Variants in APOBEC3G observed in about 807,000 individuals in gnomAD.
APOBEC3G encodes the protein DNA dC->dU-editing enzyme APOBEC-3G.
Under a neutral mutation model 50.0 loss-of-function variants are expected in APOBEC3G, and 44 were observed. That is an observed-to-expected ratio of 0.88 (90% CI 0.69 to 1.13). APOBEC3G has a LOEUF of 1.13. APOBEC3G is among the 50% of genes most tolerant of loss of function. APOBEC3G has a pLI of 0.00. For synonymous variants in APOBEC3G, 156 were observed against 175.3 expected, an observed-to-expected ratio of 0.89 and a Z score of 0.87; for missense variants, 469 against 492.0, an observed-to-expected ratio of 0.95 and a Z score of 0.44.
chr22:39,081,374 G>GT, intron 3 of APOBEC3G, 97 bp from the exon 4 acceptor site: 1 of 1,527,434 alleles, frequency 6.5e-7, no homozygotes, highest in Admixed American at 1.8e-5. Flanking sequence ...GGCGCTGACT[G>GT]TAACTAGTAT....
At chr22:39,084,094 C>T (rs1928594856) in intron 5 of APOBEC3G, among the ~76,000 whole-genome samples, 1 of 152,176 alleles carries the variant, frequency 6.6e-6, no homozygotes, top group South Asian at 2.1e-4. Flanking sequence ...CACGCCTAAC[C>T]AGCCACATGT....
At chr22:39,079,272 C>T in intron 2 of APOBEC3G, 187 bp downstream of exon 2, 1 of 823,006 alleles carries the variant, frequency 1.2e-6, no homozygotes, top group Non-Finnish European at 1.8e-6. Flanking sequence ...AGGGGGTTTG[C>T]CTCTGCACAA....
intron 4 of APOBEC3G, 106 bp from the exon 5 acceptor site, chr22:39,083,625 G>A: frequency 3.0e-6 from 4 of 1,354,880 alleles, no homozygotes; most frequent in South Asian, 2.7e-5. Context: ...GGGAGCCGGG[G>A]GAAGGAAGGA....
Position 39,086,478 on chromosome 22 carries a change from C to G in APOBEC3G, c.935C>G (p.Ala312Gly). 1.2e-6 allele frequency: 2 copies of G among 1,614,188 alleles called. No individual in the cohort carries two copies. Among genetic ancestry groups the G allele is most frequent in the South Asian group, 2.2e-5 (2 of 91,082 alleles). The stretch of plus-strand genomic sequence containing the variant: ...CACGTGAGCCTGTGCATCTTCACTG[C>G]CCGCATCTATGATGATCAAGGAAGA... ...NKHVSLCIFT[A>G]RIYDDQGRCQ... Residue 312 changes from alanine (A) to glycine (G), a missense_variant, in exon 6 of 8, where the codon GCC becomes GGC. Transcript: ENST00000407997.
Position 39,083,883 on chromosome 22 carries a change from A to G in APOBEC3G, c.734A>G (p.Gln245Arg), listed in dbSNP as rs371945683. Residue 245 changes from glutamine (Q) to arginine (R), a missense_variant and splice_region_variant, in exon 5 of 8, where the codon CAG becomes CGG. Gln to Arg is a conservative substitution (Grantham distance 43). Coordinates refer to ENST00000407997, the MANE Select transcript of APOBEC3G (RefSeq NM_021822.4). ...CAGCGCAGGGGCTTTCTATGCAACCAGGTGACCAACCCAGCCACCCGCATC... is the reference window on the plus strand; with the variant it reads ...CAGCGCAGGGGCTTTCTATGCAACCGGGTGACCAACCCAGCCACCCGCATC... ...LNQRRGFLCN[Q>R]APHKHGFLEG... 1 of 1,612,616 alleles carries G rather than the reference A, an allele frequency of 6.2e-7. No individual in the cohort carries two copies. The highest frequency in any genetic ancestry group is 1.3e-5 in the African/African-American group (1 of 74,900).
chr22:39,079,250 A>T, intron 2 of APOBEC3G, 165 bp downstream of exon 2: 1 of 1,000,020 alleles, frequency 1.0e-6, no homozygotes, highest in South Asian at 1.8e-5. Context: ...CCGTCCTGGG[A>T]TCGGATCGTG....
At chr22:39,081,607 C>T in intron 4 of APOBEC3G, 22 bp downstream of exon 4, 1 of 1,580,514 alleles carries the variant, frequency 6.3e-7, no homozygotes, top group Non-Finnish European at 8.7e-7. Flanking sequence ...CCTCCAGGCT[C>T]ATCGCCTCGC....
intron 6 of APOBEC3G, 126 bp downstream of exon 6, chr22:39,086,693 G>A (rs1339240494): frequency 6.8e-6 from 9 of 1,315,828 alleles, no homozygotes; most frequent in South Asian, 2.9e-5. Context: ...CTGCAGAGGC[G>A]ATGGCTGCAC....
chr22:39,080,196 G>T, intron 2 of APOBEC3G: 1 of 789,788 alleles, frequency 1.3e-6, no homozygotes, highest in South Asian at 5.1e-5. Flanking sequence ...CTGCAGGCAG[G>T]GAACAAGGCA....
rs142924244 is a variant in APOBEC3G at position 39,081,005 on chromosome 22, C to T, written c.244C>T (p.Arg82Cys). The change falls in exon 3 of 8, where the codon CGT (arginine) becomes TGT (cysteine). Residue 82 changes from arginine (R) to cysteine (C), a missense_variant. Arg to Cys is a radical substitution (Grantham distance 180). Coordinates refer to ENST00000407997, the MANE Select transcript of APOBEC3G (RefSeq NM_021822.4). ...GTTCAGCAAGTGGAGGAAGCTGCAT[C>T]GTGACCAGGAGTATGAGGTCACCTG... The part of the protein sequence containing the change: ...HWFSKWRKLH[R>C]DQEYEVTWYI... 1.8e-5 allele frequency: 29 copies of T among 1,614,104 alleles called. No homozygotes were observed. In the African/African-American group the frequency reaches 2.9e-4, roughly 16 times the overall value.
chr22:39,087,626 GAATA>G lies in APOBEC3G; in HGVS notation c.*208_*211del. The G allele has an allele frequency of 9.6e-7, 1 of 1,040,930 alleles. No individual in the cohort carries two copies. Among genetic ancestry groups the G allele is most frequent in the South Asian group, 1.7e-5 (1 of 57,548 alleles). The allele number at this position is 1,040,930 out of a possible 1,614,324, so 64.5% of individuals were successfully genotyped here. ...AATCAAAAATTTATTTATATTTCAA[GAATA>G]AAGTACTAAGATTGTGCTCAATACA... On this transcript the variant is annotated 3_prime_UTR_variant, in exon 8 of 8. Coordinates refer to ENST00000407997, the MANE Select transcript of APOBEC3G (RefSeq NM_021822.4).
Position 39,086,457 on chromosome 22 carries a change from T to C in APOBEC3G, c.914T>C (p.Val305Ala). The C allele has an allele frequency of 6.2e-7, 1 of 1,614,110 alleles. No individual in the cohort carries two copies. Among genetic ancestry groups the C allele is most frequent in the Non-Finnish European group, 8.5e-7 (1 of 1,180,000 alleles). Residue 305 changes from valine (V) to alanine (A), a missense_variant, in exon 6 of 8, where the codon GTG (valine) becomes GCG (alanine). Val to Ala is a moderately conservative substitution (Grantham distance 64). Coordinates refer to ENST00000407997, the MANE Select transcript of APOBEC3G (RefSeq NM_021822.4). ...AAATTCATTTCAAAAAACAAACACG[T>C]GAGCCTGTGCATCTTCACTGCCCGC... ...MAKFISKNKHVSLCIFTARIY... is the reference protein window; with the variant it reads ...MAKFISKNKHASLCIFTARIY...
rs6001422 is a variant in APOBEC3G, at chr22:39,087,192, G to T, written c.1140+66G>T. The T allele has an allele frequency of 1.5e-5, 24 of 1,606,984 alleles. No homozygotes were observed. In the African/African-American group the frequency reaches 2.6e-4, roughly 17 times the overall value. ...CCCCTCCTCCCCTCTCCCCTGCGCCGTGCCTTCCCCTCTGCTCAGAGCCTC... is the reference window on the plus strand; with the variant it reads ...CCCCTCCTCCCCTCTCCCCTGCGCCTTGCCTTCCCCTCTGCTCAGAGCCTC... On this transcript the variant is annotated intron_variant, in intron 7 of 7. Transcript: ENST00000407997.
At chr22:39,077,419 C>T (rs377078653) in intron 1 of APOBEC3G, 41 bp downstream of exon 1, 15 of 1,570,882 alleles carry the variant, frequency 9.5e-6, no homozygotes, top group Non-Finnish European at 1.2e-5. Context: ...CTCTGCTGCC[C>T]CTTCTTGCCT....
intron 5 of APOBEC3G, among the ~76,000 whole-genome samples, chr22:39,084,214 A>G (rs1026439068): frequency 2.0e-5 from 3 of 152,138 alleles, no homozygotes; most frequent in African/African-American, 7.2e-5. Context: ...GGTCTGCACC[A>G]GGGCCAAGTG....
intron 2 of APOBEC3G, chr22:39,079,513 G>C (rs1056199939): frequency 1.2e-5 from 2 of 161,584 alleles, no homozygotes; most frequent in African/African-American, 4.8e-5. Context: ...AGTACAGATG[G>C]GGTTTCACCA....
At chr22:39,078,677 G>A in intron 1 of APOBEC3G, 1 of 472,922 alleles carries the variant, frequency 2.1e-6, no homozygotes, top group Non-Finnish European at 3.7e-6. Flanking sequence ...AAGGTTAAAA[G>A]CTGTTATTTT....
In APOBEC3G at chr22:39,081,555, T is replaced by C; in HGVS notation, c.551T>C (p.Leu184Ser). 1.2e-6 allele frequency: 2 copies of C among 1,614,078 alleles called. No homozygotes were observed. Among genetic ancestry groups the C allele is most frequent in the Non-Finnish European group, 1.7e-6 (2 of 1,179,938 alleles). The change falls in exon 4 of 8, where the codon TTA becomes TCA. Residue 184 changes from leucine to serine, a missense_variant. Coordinates refer to ENST00000407997, the MANE Select transcript of APOBEC3G (RefSeq NM_021822.4). Reference protein sequence around the residue: ...PWNNLPKYYILLHIMLGEILR... With the variant: ...PWNNLPKYYISLHIMLGEILR... The stretch of plus-strand genomic sequence containing the variant: ...AATAATCTGCCTAAATATTATATAT[T>C]ACTGCACATCATGCTGGGGGAGATT...
chr22:39,078,043 T>G (rs1928238689), intron 1 of APOBEC3G, among the ~76,000 whole-genome samples: 1 of 152,336 alleles, frequency 6.6e-6, no homozygotes, highest in South Asian at 2.1e-4. Context: ...GCGGATCGCC[T>G]GCGGTCAGGA....
Sources: allele counts gnomAD v4.1 joint callset (sites outside exome capture counted in the v4.1 genomes callset), GRCh38; gene constraint gnomAD v4.1.1; transcripts MANE v1.5; gene names NCBI Gene and HGNC (gene_info 2026-07-23, HGNC 2026-07-21).